Variants in RUVBL1 observed in about 807,000 individuals in gnomAD.
RUVBL1 encodes the protein RuvB like AAA ATPase 1.
In RUVBL1, 4 loss-of-function variants were observed where a neutral mutation model predicts 52.4. The ratio of observed to expected loss-of-function variants is 0.08; its 90% CI spans 0.04 to 0.17. RUVBL1 has a LOEUF of 0.17. Ranked by LOEUF, RUVBL1 falls within the 10% of genes least tolerant of loss-of-function variation. The pLI is 1.00. For missense variants in RUVBL1, 298 were observed against 572.8 expected, an observed-to-expected ratio of 0.52 and a Z score of 4.90; for synonymous variants, 217 against 214.4, an observed-to-expected ratio of 1.01 and a Z score of -0.10.
chr3:128,143,803 G>C (rs1016991349), intron 1 of RUVBL1, among the ~76,000 whole-genome samples: 3 of 152,178 alleles, frequency 2.0e-5, no homozygotes, highest in Non-Finnish European at 4.4e-5. Context: ...CTCATCCCTG[G>C]AACTGAGACT....
At chr3:128,117,330 T>C (rs547447445) in intron 2 of RUVBL1, among the ~76,000 whole-genome samples, 1 of 152,330 alleles carries the variant, frequency 6.6e-6, no homozygotes, top group Admixed American at 6.5e-5. Flanking sequence ...CTTGACTCCA[T>C]GACGTTTGTG....
intron 9 of RUVBL1, among the ~76,000 whole-genome samples, chr3:128,074,894 TC>T (rs1942266353): frequency 6.8e-6 from 1 of 147,652 alleles, no homozygotes; most frequent in Non-Finnish European, 1.5e-5. Flanking sequence ...AGTACTGAAC[TC>T]TAGATAATTA....
intron 1 of RUVBL1, among the ~76,000 whole-genome samples, chr3:128,134,793 TA>T (rs879278957): frequency 1.1e-3 from 147 of 130,178 alleles, no homozygotes; most frequent in African/African-American, 1.1e-3. Flanking sequence ...AAACTTTGTC[TA>T]AAAAAAAAAA....
At position 128,071,071 on chromosome 3, in the gene RUVBL1, G is replaced by A. The variant is rs573838409; in HGVS notation, c.940-5851C>T. 303 of 152,402 alleles carry A rather than the reference G, an allele frequency of 2.0e-3. 1 individual carries two copies. Among genetic ancestry groups the A allele is most frequent in the Non-Finnish European group, 3.2e-3 (219 of 68,092 alleles). 9.4% of individuals were successfully genotyped at this position (152,402 alleles called of 1,614,324 possible). Reference sequence around the variant, plus strand: ...GACCCCACTCTGACAGTGGGCACACGGCAGCCTGCAAAGCACAGGGCCACC... The same window carrying A: ...GACCCCACTCTGACAGTGGGCACACAGCAGCCTGCAAAGCACAGGGCCACC... On this transcript the variant is annotated intron_variant, in intron 9 of 9. Coordinates refer to the RUVBL1 transcript ENST00000464873.
chr3:128,130,637 T>G (rs1307425272), intron 1 of RUVBL1, among the ~76,000 whole-genome samples: 3 of 145,142 alleles, frequency 2.1e-5, no homozygotes, highest in South Asian at 2.1e-4. Flanking sequence ...ATGTATTTAT[T>G]TATTTATTTA....
intron 4 of RUVBL1, among the ~76,000 whole-genome samples, chr3:128,104,257 T>C (rs1233080016): frequency 2.6e-5 from 4 of 152,174 alleles, no homozygotes; most frequent in Non-Finnish European, 5.9e-5. Flanking sequence ...CAAAGCCCTG[T>C]ACTAAACAGA....
chr3:128,134,847 A>T (rs1943928503), intron 1 of RUVBL1, among the ~76,000 whole-genome samples: 1 of 151,982 alleles, frequency 6.6e-6, no homozygotes, highest in Admixed American at 6.6e-5. Context: ...AAGAGGGGAA[A>T]AATTTAAAAA....
chr3:128,069,740 T>G, intron 9 of RUVBL1: 1 of 1,163,922 alleles, frequency 8.6e-7, no homozygotes, highest in Non-Finnish European at 1.3e-6. Context: ...CGCGTGCTGC[T>G]GCGGCATATG....
chr3:128,105,756 T>TA, intron 3 of RUVBL1, among the ~76,000 whole-genome samples: 1 of 152,188 alleles, frequency 6.6e-6, no homozygotes, highest in East Asian at 1.9e-4. Flanking sequence ...TGCCAGGTGT[T>TA]ATGGGCCTCT....
At chr3:128,148,254 GAA>G (rs1944133613) in intron 1 of RUVBL1, among the ~76,000 whole-genome samples, 1 of 152,170 alleles carries the variant, frequency 6.6e-6, no homozygotes, top group Non-Finnish European at 1.5e-5. Context: ...TAATCCAGGT[GAA>G]GAGATGATGG....
At chr3:128,143,473 G>C (rs1051482426) in intron 1 of RUVBL1, among the ~76,000 whole-genome samples, 3 of 152,138 alleles carry the variant, frequency 2.0e-5, no homozygotes, top group Non-Finnish European at 2.9e-5. Flanking sequence ...GCCCCGCCAA[G>C]ACCCTCATCT....
At chr3:128,110,542 G>A (rs2107704018) in intron 3 of RUVBL1, among the ~76,000 whole-genome samples, 1 of 152,246 alleles carries the variant, frequency 6.6e-6, no homozygotes, top group South Asian at 2.1e-4. Flanking sequence ...TTTCCAGTCA[G>A]AAATACTTTG....
intron 9 of RUVBL1, chr3:128,069,345 G>A (rs1425536499): frequency 1.2e-6 from 1 of 852,900 alleles, no homozygotes; most frequent in Non-Finnish European, 1.8e-6. Flanking sequence ...CATGTTAGTA[G>A]ATGACTTTCT....
chr3:128,126,005 CTAG>C (rs1263209310), upstream of RUVBL1, among the ~76,000 whole-genome samples: 2 of 152,148 alleles, frequency 1.3e-5, no homozygotes, highest in Non-Finnish European at 2.9e-5. Flanking sequence ...GGATTTCCTT[CTAG>C]TCCAAAAAGA....
intron 3 of RUVBL1, among the ~76,000 whole-genome samples, chr3:128,105,520 A>G (rs992576111): frequency 1.3e-5 from 2 of 152,110 alleles, no homozygotes; most frequent in African/African-American, 4.8e-5. Flanking sequence ...AAGGGGGTGA[A>G]ATTTACCTTT....
intron 2 of RUVBL1, among the ~76,000 whole-genome samples, chr3:128,117,433 CCCAA>C (rs1469530428): frequency 6.6e-6 from 1 of 152,128 alleles, no homozygotes; most frequent in Non-Finnish European, 1.5e-5. Context: ...CAGTAGCACC[CCCAA>C]CCAAGTCGTG....
rs556094669 is a variant in RUVBL1 at position 128,107,759 on chromosome 3, C to T, written c.362-2835G>A. 3.5e-4 allele frequency among the ~76,000 whole-genome samples: 54 copies of T among 152,310 alleles called. No individual in the cohort carries two copies. The East Asian group carries it at 8.5e-3, about 24-fold the overall frequency. On this transcript the variant is annotated intron_variant, in intron 3 of 10. Transcript: ENST00000322623. ...TTAGACAAAAATTCTCCAAACAACA[C>T]GAATATATCAGAACACTGTGGTAAA...
chr3:128,089,901 C>A (rs180692193), intron 8 of RUVBL1, among the ~76,000 whole-genome samples: 77 of 96,038 alleles, frequency 8.0e-4, no homozygotes, highest in African/African-American at 3.0e-3. Flanking sequence ...CAGAGTGAGA[C>A]CCTATCTCAA....
chr3:128,091,103 C>T (rs1227322015), intron 8 of RUVBL1, among the ~76,000 whole-genome samples: 2 of 152,242 alleles, frequency 1.3e-5, no homozygotes, highest in African/African-American at 2.4e-5. Flanking sequence ...GACTGCTAAG[C>T]ATTTTTCAGG....
Sources: gnomAD v4.1 joint callset for allele counts (sites outside exome capture counted in the v4.1 genomes callset) on GRCh38, gnomAD v4.1.1 for gene constraint, MANE v1.5 for transcripts, NCBI Gene and HGNC (gene_info 2026-07-23, HGNC 2026-07-21) for gene names.